The following TTN variants were observed in gnomAD, a reference collection of about 807,000 sequenced individuals.
TTN encodes the protein titin, also known as connectin.
A neutral mutation model predicts 3,223.0 loss-of-function variants in TTN; 1,525 were observed. That is an observed-to-expected ratio of 0.47 (90% confidence interval 0.45 to 0.49). TTN has a LOEUF of 0.49. Ranked by LOEUF, TTN falls within the 20% of genes least tolerant of loss-of-function variation. The pLI, the probability that TTN is intolerant of heterozygous loss-of-function variation, is 0.00. For missense variants in TTN, 40,786 were observed against 43,424.0 expected, an observed-to-expected ratio of 0.94 and a Z score of 5.40; for synonymous variants, 14,094 against 15,161.0, an observed-to-expected ratio of 0.93 and a Z score of 5.17.
At chr2:178,721,797 T>A in intron 78 of TTN, 50 bp downstream of exon 78, 1 of 1,434,294 alleles carries the variant, frequency 7.0e-7, no homozygotes, top group Non-Finnish European at 9.2e-7. Context: ...ATAAGACAAT[T>A]ATGCAAATAT....
chr2:178,542,503 G>C lies in TTN; in HGVS notation c.97253C>G (p.Thr32418Ser), dbSNP rs771893617. The C allele has an allele frequency of 5.6e-6, 9 of 1,612,550 alleles. No individual in the cohort carries two copies. The South Asian group carries it at 9.9e-5, about 18-fold the overall frequency. The change falls in exon 349 of 363, where the codon ACC becomes AGC. Residue 32418 changes from threonine to serine, a missense_variant. Physicochemically the swap from Thr to Ser is moderately conservative, Grantham distance 58. Transcript: ENST00000589042. ...CAATTCAGGTGGTTCCCAGGAAATG[G>C]TAATTGATGTAGCATCAATTTCATC... is the stretch of plus-strand genomic sequence containing the variant. ...KIDEIDATSI[T>S]ISWEPPELDG...
At position 178,704,504 on chromosome 2, in the gene TTN, A is replaced by C. The variant is rs1407441966; in HGVS notation, c.29962+6T>G. 6.2e-7 allele frequency: 1 copy of C among 1,601,894 alleles called. No individual in the cohort carries two copies. The highest frequency in any genetic ancestry group is 2.2e-5 in the East Asian group (1 of 44,704). Reference sequence around the variant, plus strand: ...ACAAGTATTTCATAAGCCTTTTCTAACTTACCAATTACAGTTAGTTTAGCG... The same window carrying C: ...ACAAGTATTTCATAAGCCTTTTCTACCTTACCAATTACAGTTAGTTTAGCG... On this transcript the variant is annotated splice_donor_region_variant and intron_variant, in intron 105 of 362. Coordinates refer to ENST00000589042, the MANE Select transcript of TTN (RefSeq NM_001267550.2).
chr2:178,587,184 C>T lies in TTN; in HGVS notation c.64027G>A (p.Val21343Ile). The T allele has an allele frequency of 6.2e-7, 1 of 1,613,268 alleles. No individual in the cohort carries two copies. Among genetic ancestry groups the T allele is most frequent in the Non-Finnish European group, 8.5e-7 (1 of 1,179,462 alleles). The part of the protein sequence containing the change: ...GNEYYFRVTA[V>I]NEYGPGVPTD... Reference sequence around the variant, plus strand: ...GGGACGCCAGGGCCATATTCGTTGACAGCAGTTACTCTGAAGTAATACTCA... The same window carrying T: ...GGGACGCCAGGGCCATATTCGTTGATAGCAGTTACTCTGAAGTAATACTCA... Residue 21343 changes from valine (V) to isoleucine (I), a missense_variant, in exon 307 of 363, where the codon GTC (valine) becomes ATC (isoleucine). Physicochemically the swap from Val to Ile is conservative, Grantham distance 29. Transcript: ENST00000589042.
intron 24 of TTN, chr2:178,778,647 G>C: frequency 3.4e-6 from 2 of 580,302 alleles, no homozygotes; most frequent in Non-Finnish European, 6.1e-6. Context: ...TGTGATATTA[G>C]CTATAGCACT....
intron 97 of TTN, 38 bp downstream of exon 97, chr2:178,711,024 C>A (rs1236756623): frequency 6.5e-7 from 1 of 1,548,890 alleles, no homozygotes; most frequent in Admixed American, 2.1e-5. Context: ...GATTATAATA[C>A]TTTAATTCTA....
chr2:178,696,631 C>T (rs961622760), intron 113 of TTN, among the ~76,000 whole-genome samples: 3 of 151,982 alleles, frequency 2.0e-5, no homozygotes. Flanking sequence ...CATATTTATA[C>T]AGTTAACCTT....
In TTN at chr2:178,615,626, C is replaced by T; in HGVS notation, c.48460+15G>A. The T allele has an allele frequency of 1.2e-6, 2 of 1,611,786 alleles. No homozygotes were observed. Among genetic ancestry groups the T allele is most frequent in the Non-Finnish European group, 1.7e-6 (2 of 1,178,788 alleles). ...GCAACAAGATTAGGTAAGAAATCAT[C>T]AAGAATGTACTCACTTGCAGGAGTT... On this transcript the variant is annotated intron_variant, in intron 258 of 362. Coordinates refer to ENST00000589042, the MANE Select transcript of TTN (RefSeq NM_001267550.2).
intron 41 of TTN, among the ~76,000 whole-genome samples, chr2:178,765,811 C>T (rs2090277128): frequency 6.6e-6 from 1 of 152,308 alleles, no homozygotes; most frequent in African/African-American, 2.4e-5. Flanking sequence ...AACAGCACTT[C>T]CCTGGGGACT....
intron 323 of TTN, 31 bp from the exon 324 acceptor site, chr2:178,577,541 AAAGG>A: frequency 6.4e-7 from 1 of 1,555,776 alleles, no homozygotes; most frequent in Non-Finnish European, 8.7e-7. Flanking sequence ...TTTAATCAGA[AAAGG>A]AAGGAGGCTT....
At chr2:178,635,908 T>C in intron 226 of TTN, 55 bp downstream of exon 226, 2 of 1,535,720 alleles carry the variant, frequency 1.3e-6, no homozygotes, top group South Asian at 2.6e-5. Flanking sequence ...GGTCCTTTCT[T>C]CCATTTTCTT....
intron 316 of TTN, 104 bp from the exon 317 acceptor site, chr2:178,580,713 A>C: frequency 8.6e-7 from 1 of 1,156,792 alleles, no homozygotes; most frequent in Non-Finnish European, 1.2e-6. Context: ...TCTAGAGCTG[A>C]TTTCTTGTTC....
At chr2:178,638,651 T>C (rs903661196) in intron 223 of TTN, among the ~76,000 whole-genome samples, 1 of 152,034 alleles carries the variant, frequency 6.6e-6, no homozygotes, top group Non-Finnish European at 1.5e-5. Context: ...CAAGGCATTA[T>C]ATTGAATATC....
rs781248790 is a variant in TTN at position 178,567,624 on chromosome 2, C to T, written c.78508G>A (p.Gly26170Ser). The change falls in exon 326 of 363, where the codon GGT becomes AGT. Residue 26170 changes from glycine (G) to serine (S), a missense_variant. Physicochemically the swap from Gly to Ser is moderately conservative, Grantham distance 56 (BLOSUM62 0). Transcript: ENST00000589042. ...CTGTCAGAGGGTTTACTTATTGCAC[C>T]AGCTGCATTCTTTGCAATGACTCTG... ...EFRVIAKNAA[G>S]AISKPSDSTG... The T allele has an allele frequency of 1.1e-5, 17 of 1,611,824 alleles. No individual in the cohort carries two copies. Among genetic ancestry groups the T allele is most frequent in the African/African-American group, 2.7e-5 (2 of 74,860 alleles).
Position 178,727,308 on chromosome 2 carries a change from C to T in TTN, c.20057G>A (p.Arg6686Gln), listed in dbSNP as rs202022304. ...SKIVKAGDSSRLECKIAGSPE... is the reference protein window; with the variant it reads ...SKIVKAGDSSQLECKIAGSPE... ...GGATCCAGCTATCTTGCATTCAAGT[C>T]GTGAAGAGTCACCTGCTTTCACAAT... Residue 6686 changes from arginine (R) to glutamine (Q), a missense_variant, in exon 69 of 363, where the codon CGA becomes CAA. Physicochemically the swap from Arg to Gln is conservative, Grantham distance 43 (BLOSUM62 1). Coordinates refer to ENST00000589042, the MANE Select transcript of TTN (RefSeq NM_001267550.2). The T allele has an allele frequency of 1.4e-5, 22 of 1,612,456 alleles. No homozygotes were observed. Among genetic ancestry groups the T allele is most frequent in the African/African-American group, 8.0e-5 (6 of 74,964 alleles).
In TTN at chr2:178,653,021, C is replaced by T; in HGVS notation, c.38875+20G>A. The T allele has an allele frequency of 6.2e-7, 1 of 1,610,952 alleles. No homozygotes were observed. The highest frequency in any genetic ancestry group is 8.5e-7 in the Non-Finnish European group (1 of 1,178,812). ...AATGAAGAGTTCAGTCTTCTGAAGC[C>T]TAAAGCCAGTGACAAATACCTTTAA... is the stretch of plus-strand genomic sequence containing the variant. On this transcript the variant is annotated intron_variant, in intron 199 of 362. Transcript: ENST00000589042.
In TTN at chr2:178,622,019, GATAA is replaced by G. The variant is rs1559886309; in HGVS notation, c.44914-15_44914-12del. Reference sequence around the variant, plus strand: ...TTTAAACCACTTAACCTATATTTAAGATAAATAGATTATCAGTTTTCTTGTTGTT... The same window carrying G: ...TTTAAACCACTTAACCTATATTTAAGATAGATTATCAGTTTTCTTGTTGTT... On this transcript the variant is annotated splice_polypyrimidine_tract_variant and intron_variant, in intron 243 of 362. Coordinates refer to ENST00000589042, the MANE Select transcript of TTN (RefSeq NM_001267550.2). 1.9e-6 allele frequency: 3 copies of G among 1,588,542 alleles called. No homozygotes were observed. The highest frequency in any genetic ancestry group is 1.4e-5 in the African/African-American group (1 of 73,946).
Position 178,534,811 on chromosome 2 carries a change from A to G in TTN, c.101804T>C (p.Ile33935Thr), listed in dbSNP as rs778304667. 1.2e-6 allele frequency: 2 copies of G among 1,611,362 alleles called. No individual in the cohort carries two copies. Among genetic ancestry groups the G allele is most frequent in the Non-Finnish European group, 1.7e-6 (2 of 1,179,812 alleles). The change falls in exon 358 of 363, where the codon ATT becomes ACT. Residue 33935 changes from isoleucine to threonine, a missense_variant. Coordinates refer to ENST00000589042, the MANE Select transcript of TTN (RefSeq NM_001267550.2). The stretch of plus-strand genomic sequence containing the variant: ...TTCTGGTCTAATGTCAAAGTGTCCA[A>G]TATTATGACTGTGTAAAAACTGAAG... ...EALQFLHSHNIGHFDIRPENI... is the reference protein window; with the variant it reads ...EALQFLHSHNTGHFDIRPENI...
chr2:178,555,264 C>T (rs1415915987), intron 330 of TTN, 112 bp from the exon 331 acceptor site: 31 of 962,862 alleles, frequency 3.2e-5, no homozygotes, highest in Non-Finnish European at 4.8e-5. Context: ...TACACACACA[C>T]CATCATTATA....
At chr2:178,762,568 A>C (rs1161480453) in intron 43 of TTN, among the ~76,000 whole-genome samples, 1 of 152,222 alleles carries the variant, frequency 6.6e-6, no homozygotes, top group Admixed American at 6.5e-5. Flanking sequence ...TGAATGATGT[A>C]CATATATGTT....
Sources: allele counts gnomAD v4.1 joint callset (sites outside exome capture counted in the v4.1 genomes callset), GRCh38; gene constraint gnomAD v4.1.1; transcripts MANE v1.5; gene names NCBI Gene and HGNC (gene_info 2026-07-23, HGNC 2026-07-21).